The following SYT14 variants were observed in gnomAD, a reference collection of about 807,000 sequenced individuals.
The protein encoded by SYT14 is synaptotagmin-14.
SYT14 carries 32 observed loss-of-function variants against 74.2 expected under a neutral mutation model. The observed-to-expected ratio is 0.43, with a 90% CI of 0.33 to 0.58. The LOEUF (loss-of-function observed/expected upper bound fraction) is 0.58. SYT14 is among the 20% of genes least tolerant of loss of function. The pLI is 0.05. For missense variants in SYT14, 791 were observed against 981.8 expected, an observed-to-expected ratio of 0.81 and a Z score of 2.60; for synonymous variants, 298 against 337.7, an observed-to-expected ratio of 0.88 and a Z score of 1.29.
In SYT14 at chr1:209,990,549, G is replaced by GTATATATACGTA. The variant is rs2079652051; in HGVS notation, c.-485-23076_-485-23075insCGTATATATATA. 5.1e-4 allele frequency among the ~76,000 whole-genome samples: 29 copies of GTATATATACGTA among 56,886 alleles called. 4 individuals are homozygous for GTATATATACGTA. The highest frequency in any genetic ancestry group is 3.2e-3 in the East Asian group (6 of 1,852). 37.3% of individuals were successfully genotyped at this position (56,886 alleles called of 152,430 possible). A position where few individuals can be genotyped will look rare whatever the true frequency, so the allele number is the denominator to read the frequency against. On this transcript the variant is annotated intron_variant, in intron 2 of 9. Coordinates refer to ENST00000637265, the Ensembl canonical transcript of SYT14. ...CATATATATATATACGTATATATATGTATATATATACGTATATATATGTAT... is the reference window on the plus strand; with the variant it reads ...CATATATATATATACGTATATATATGTATATATACGTATATATATATACGTATATATATGTAT...
rs992180110 is a variant in SYT14, at chr1:209,997,531, G to A, written c.-485-16102G>A. On this transcript the variant is annotated intron_variant, in intron 2 of 9. Transcript: ENST00000637265. The stretch of plus-strand genomic sequence containing the variant: ...TGGAAGAATTAATATCGTTAAAATG[G>A]CCACACTGCCCAGTGCAATCTACAG... Among the ~76,000 whole-genome samples the A allele has an allele frequency of 2.0e-5, 3 of 152,034 alleles. No homozygotes were observed. In the South Asian group the frequency reaches 6.2e-4, roughly 32 times the overall value.
exon 9 of SYT14, chr1:210,159,438 C>T (rs2083330952): frequency 1.9e-6 from 3 of 1,551,426 alleles, no homozygotes; most frequent in Non-Finnish European, 2.6e-6. Flanking sequence ...GTTCTGTTGT[C>T]TAAAACACTT....
At chr1:209,992,772 T>TCA (rs2079716756) in intron 2 of SYT14, among the ~76,000 whole-genome samples, 1 of 152,054 alleles carries the variant, frequency 6.6e-6, no homozygotes, top group Non-Finnish European at 1.5e-5. Flanking sequence ...GAAGTACCAT[T>TCA]CACACTGAGA....
chr1:209,940,898 C>T (rs1245015712), intron 1 of SYT14, among the ~76,000 whole-genome samples: 1 of 152,198 alleles, frequency 6.6e-6, no homozygotes, highest in Admixed American at 6.5e-5. Context: ...CACTCCTTCA[C>T]TTATGTGTAA....
At chr1:210,046,641 TC>T (rs1465928242) in intron 5 of SYT14, among the ~76,000 whole-genome samples, 1 of 152,190 alleles carries the variant, frequency 6.6e-6, no homozygotes, top group Non-Finnish European at 1.5e-5. Context: ...GTGTCTGGCT[TC>T]TTTCACTTAG....
chr1:210,084,027 T>C lies in SYT14; in HGVS notation c.1313-10295T>C, dbSNP rs567618303. On this transcript the variant is annotated intron_variant, in intron 5 of 9. Coordinates refer to ENST00000637265, the Ensembl canonical transcript of SYT14. ...GCCTAGAAGATAATTTTTGAAAATC[T>C]ATAGGCCTCCACTGCAATTTTACCA... Among the ~76,000 whole-genome samples the C allele has an allele frequency of 1.4e-4, 21 of 152,326 alleles. No individual in the cohort carries two copies. In the East Asian group the frequency reaches 3.9e-3, roughly 28 times the overall value.
chr1:209,939,185 A>G (rs1426286667), intron 1 of SYT14, among the ~76,000 whole-genome samples: 1 of 152,228 alleles, frequency 6.6e-6, no homozygotes, highest in Non-Finnish European at 1.5e-5. Flanking sequence ...TATTTATGTG[A>G]AAGATTACAT....
intron 2 of SYT14, among the ~76,000 whole-genome samples, chr1:209,990,504 A>T: frequency 3.8e-5 from 1 of 26,104 alleles, no homozygotes. Context: ...TTCCATTTTT[A>T]AGGATGAAGG....
intron 4 of SYT14, among the ~76,000 whole-genome samples, chr1:210,020,035 C>T (rs956334008): frequency 6.6e-6 from 1 of 152,094 alleles, no homozygotes; most frequent in African/African-American, 2.4e-5. Flanking sequence ...TGGTGTATAT[C>T]CTTCCAGATA....
At chr1:210,070,905 G>A (rs2081380332) in intron 5 of SYT14, among the ~76,000 whole-genome samples, 1 of 130,548 alleles carries the variant, frequency 7.7e-6, no homozygotes, top group Non-Finnish European at 1.6e-5. Flanking sequence ...AGATAGTTGG[G>A]TATAATTTTT....
chr1:209,994,491 T>G (rs1044564123), intron 2 of SYT14, among the ~76,000 whole-genome samples: 4 of 152,142 alleles, frequency 2.6e-5, no homozygotes, highest in Non-Finnish European at 4.4e-5. Context: ...TATGGGATTA[T>G]GTAAAGTGAT....
chr1:210,016,387 T>G (rs2080183100), exon 4 of SYT14: 8 of 1,231,846 alleles, frequency 6.5e-6, no homozygotes, highest in Non-Finnish European at 8.1e-6. Context: ...GGCAACAAAC[T>G]CTATCAGAAT....
chr1:210,139,465 G>A (rs768761945), intron 7 of SYT14, among the ~76,000 whole-genome samples: 2 of 151,762 alleles, frequency 1.3e-5, no homozygotes, highest in Non-Finnish European at 2.9e-5. Flanking sequence ...TTCTGAAATA[G>A]GGATCCTGTA....
chr1:210,052,665 CA>C (rs561069342), intron 5 of SYT14, among the ~76,000 whole-genome samples: 29 of 42,264 alleles, frequency 6.9e-4, no homozygotes, highest in Non-Finnish European at 9.3e-4. Context: ...TACATCTCAC[CA>C]AAAAAAAAAA....
At chr1:210,139,712 A>G (rs554727899) in intron 7 of SYT14, among the ~76,000 whole-genome samples, 1 of 152,242 alleles carries the variant, frequency 6.6e-6, no homozygotes, top group Admixed American at 6.5e-5. Context: ...TGCACATTTT[A>G]TATGAATCAA....
chr1:210,129,600 T>C (rs112999561), intron 7 of SYT14, among the ~76,000 whole-genome samples: 31 of 152,234 alleles, frequency 2.0e-4, no homozygotes, highest in African/African-American at 7.2e-4. Context: ...ATTTAAACTT[T>C]CTTGATAATA....
At chr1:210,089,878 A>G (rs1477611406) in intron 5 of SYT14, among the ~76,000 whole-genome samples, 1 of 152,258 alleles carries the variant, frequency 6.6e-6, no homozygotes, top group Non-Finnish European at 1.5e-5. Context: ...AAACGAAAGT[A>G]CACTCCACAG....
intron 6 of SYT14, among the ~76,000 whole-genome samples, chr1:210,096,075 C>G (rs1365589201): frequency 6.6e-6 from 1 of 152,188 alleles, no homozygotes; most frequent in African/African-American, 2.4e-5. Context: ...TTAATTCTAA[C>G]AACCACATCT....
chr1:210,156,927 C>G, intron 8 of SYT14: 1 of 346,018 alleles, frequency 2.9e-6, no homozygotes, highest in Admixed American at 2.6e-5. Flanking sequence ...CTCCTGACCT[C>G]AGGTGATCCA....
Sources: allele counts gnomAD v4.1 joint callset (sites outside exome capture counted in the v4.1 genomes callset), GRCh38; gene constraint gnomAD v4.1.1; transcripts MANE v1.5; gene names NCBI Gene and HGNC (gene_info 2026-07-23, HGNC 2026-07-21).